The following CHSY3 variants were observed in gnomAD, a reference collection of about 807,000 sequenced individuals.
CHSY3 encodes the protein N-acetylgalactosaminyl-proteoglycan 3-beta-glucuronosyltransferase 3.
CHSY3 carries 35 observed loss-of-function variants against 67.2 expected under a neutral mutation model. The observed-to-expected ratio is 0.52, with a 90% confidence interval of 0.40 to 0.69. The LOEUF (loss-of-function observed/expected upper bound fraction) is 0.69, where lower values mean the gene tolerates loss of function less well. Ranked by LOEUF, CHSY3 falls within the 30% of genes least tolerant of loss-of-function variation. The pLI is 0.00. For synonymous variants in CHSY3, 474 were observed against 434.7 expected, an observed-to-expected ratio of 1.09 and a Z score of -1.12; for missense variants, 1,069 against 1,138.5, an observed-to-expected ratio of 0.94 and a Z score of 0.88.
At position 130,184,559 on chromosome 5, in the gene CHSY3, C is replaced by A; in HGVS notation, c.1417C>A (p.Leu473Ile). The A allele has an allele frequency of 6.2e-7, 1 of 1,611,668 alleles. No homozygotes were observed. The highest frequency in any genetic ancestry group is 8.5e-7 in the Non-Finnish European group (1 of 1,177,794). The change falls in exon 3 of 3, where the codon CTT becomes ATT. Residue 473 changes from leucine (L) to isoleucine (I), a missense_variant. Physicochemically the swap from Leu to Ile is conservative, Grantham distance 5 (BLOSUM62 2). This residue lies in a region of CHSY3 where 401 missense variants were observed against 395.2 expected (regional missense o/e 1.01). Coordinates refer to ENST00000305031, the MANE Select transcript of CHSY3 (RefSeq NM_175856.5). ...AGAATGGGAGTTCCTGACAGGGAAG[C>A]TTCTATACTCAGCAGCTGAGAACCA... is the stretch of plus-strand genomic sequence containing the variant. Reference protein sequence around the residue: ...VIEWEFLTGKLLYSAAENQPP... With the variant: ...VIEWEFLTGKILYSAAENQPP...
At chr5:129,931,351 C>T (rs1761302293) in intron 2 of CHSY3, among the ~76,000 whole-genome samples, 1 of 152,090 alleles carries the variant, frequency 6.6e-6, no homozygotes, top group Non-Finnish European at 1.5e-5. Flanking sequence ...TTAAGGAAAT[C>T]ATTAAGTGCT....
intron 2 of CHSY3, among the ~76,000 whole-genome samples, chr5:129,922,609 T>G (rs1760961257): frequency 6.6e-6 from 1 of 152,174 alleles, no homozygotes; most frequent in South Asian, 2.1e-4. Flanking sequence ...TTTTTTTTCA[T>G]GTATCTGTTA....
Position 129,904,983 on chromosome 5 carries a change from G to T in CHSY3, c.154G>T (p.Ala52Ser). The T allele has an allele frequency of 6.4e-7, 1 of 1,568,058 alleles. No individual in the cohort carries two copies. Residue 52 changes from alanine to serine, a missense_variant, in exon 1 of 3, where the codon GCT (alanine) becomes TCT (serine). Ala to Ser is a moderately conservative substitution (Grantham distance 99). Coordinates refer to ENST00000305031, the MANE Select transcript of CHSY3 (RefSeq NM_175856.5). ...CCTCTGCTCCTACTACGGTCGCTCT[G>T]CTGCTGGCCCCCGCGCCGGCGCTCA... ...SSLCSYYGRS[A>S]AGPRAGAQQP...
chr5:130,091,479 TA>T (rs1475455525), intron 2 of CHSY3, among the ~76,000 whole-genome samples: 15 of 152,290 alleles, frequency 9.8e-5, no homozygotes, highest in South Asian at 8.3e-4. Flanking sequence ...GCAAAACAGC[TA>T]TGGATAGCTT....
In CHSY3 at chr5:130,075,370, T is replaced by G. The variant is rs536437226; in HGVS notation, c.1087-108859T>G. ...AAAATTCAAAGAGATGGGTCTCTAG[T>G]CATATATTATATACTTTAATTACTA... On this transcript the variant is annotated intron_variant, in intron 2 of 2. Coordinates refer to ENST00000305031, the MANE Select transcript of CHSY3 (RefSeq NM_175856.5). 7.2e-5 allele frequency among the ~76,000 whole-genome samples: 11 copies of G among 152,284 alleles called. No individual in the cohort carries two copies. The South Asian group carries it at 2.3e-3, about 32-fold the overall frequency.
At chr5:130,138,210 C>T (rs755000409) in intron 2 of CHSY3, among the ~76,000 whole-genome samples, 5 of 152,172 alleles carry the variant, frequency 3.3e-5, no homozygotes, top group African/African-American at 7.2e-5. Flanking sequence ...GCAAAAGAGG[C>T]ACAGCTGGGC....
intron 2 of CHSY3, chr5:130,141,273 CCCA>C (rs923355023): frequency 1.0e-4 from 46 of 445,568 alleles, no homozygotes; most frequent in African/African-American, 8.2e-4. Context: ...TAAGCATAAT[CCCA>C]CCATTCCTAT....
At chr5:130,116,399 A>G (rs1332665134) in intron 2 of CHSY3, among the ~76,000 whole-genome samples, 2 of 152,216 alleles carry the variant, frequency 1.3e-5, no homozygotes, top group Non-Finnish European at 2.9e-5. Flanking sequence ...GTCATTTTTT[A>G]TATCCAGTAT....
At chr5:129,972,947 C>G (rs1302482838) in intron 2 of CHSY3, among the ~76,000 whole-genome samples, 2 of 151,940 alleles carry the variant, frequency 1.3e-5, no homozygotes, top group Non-Finnish European at 2.9e-5. Context: ...CTTACTTGAT[C>G]TTTAGCCCAC....
At chr5:130,179,740 T>G (rs1016866986) in intron 2 of CHSY3, among the ~76,000 whole-genome samples, 3 of 142,524 alleles carry the variant, frequency 2.1e-5, no homozygotes, top group Admixed American at 1.4e-4. Context: ...TTTTTTTTTT[T>G]TATACTTTGT....
At chr5:129,946,971 T>C (rs944981865) in intron 2 of CHSY3, among the ~76,000 whole-genome samples, 1 of 152,226 alleles carries the variant, frequency 6.6e-6, no homozygotes, top group African/African-American at 2.4e-5. Flanking sequence ...ATGGTAGTTG[T>C]ATTTTTAATT....
At chr5:130,149,318 A>C (rs1425308744) in intron 2 of CHSY3, among the ~76,000 whole-genome samples, 1 of 152,212 alleles carries the variant, frequency 6.6e-6, no homozygotes, top group Non-Finnish European at 1.5e-5. Flanking sequence ...ATGGTTCTGC[A>C]GGCTTCACAG....
At chr5:130,136,850 C>T (rs1768681156) in intron 2 of CHSY3, among the ~76,000 whole-genome samples, 1 of 151,880 alleles carries the variant, frequency 6.6e-6, no homozygotes, top group Non-Finnish European at 1.5e-5. Context: ...TTGAATTCAC[C>T]ACCCAACCCA....
At chr5:130,040,333 C>T (rs1333608067) in intron 2 of CHSY3, among the ~76,000 whole-genome samples, 1 of 152,126 alleles carries the variant, frequency 6.6e-6, no homozygotes, top group African/African-American at 2.4e-5. Context: ...CAGCCGTGAG[C>T]TTCCAGAGTA....
chr5:130,160,172 A>T (rs778007921), intron 2 of CHSY3, among the ~76,000 whole-genome samples: 2 of 152,192 alleles, frequency 1.3e-5, no homozygotes, highest in Non-Finnish European at 2.9e-5. Context: ...TATTCATAGA[A>T]AGATTATGTA....
At chr5:130,038,582 C>T (rs1764923044) in intron 2 of CHSY3, among the ~76,000 whole-genome samples, 1 of 152,050 alleles carries the variant, frequency 6.6e-6, no homozygotes, top group African/African-American at 2.4e-5. Flanking sequence ...CACATTCAAG[C>T]CTTAAAGATG....
At chr5:130,090,699 A>G (rs965694808) in intron 2 of CHSY3, among the ~76,000 whole-genome samples, 1 of 152,020 alleles carries the variant, frequency 6.6e-6, no homozygotes, top group Non-Finnish European at 1.5e-5. Context: ...CACATATTTT[A>G]TTTACTCAGG....
At chr5:130,178,227 T>TATA (rs1561571814) in intron 2 of CHSY3, among the ~76,000 whole-genome samples, 36 of 65,804 alleles carry the variant, frequency 5.5e-4, no homozygotes, top group Non-Finnish European at 7.3e-4. Flanking sequence ...ATATTTATAT[T>TATA]TATATATATA....
At chr5:130,163,652 A>G (rs1476776290) in intron 2 of CHSY3, among the ~76,000 whole-genome samples, 1 of 152,206 alleles carries the variant, frequency 6.6e-6, no homozygotes, top group Non-Finnish European at 1.5e-5. Flanking sequence ...CTCAATACTA[A>G]TCACAGTGAG....
Sources: gnomAD v4.1 joint callset for allele counts (sites outside exome capture counted in the v4.1 genomes callset) on GRCh38, gnomAD v4.1.1 for gene constraint, gnomAD v4.1.1 regional missense constraint, MANE v1.5 for transcripts, NCBI Gene and HGNC (gene_info 2026-07-23, HGNC 2026-07-21) for gene names.